DMBX1: variants seen among roughly 807,000 people sequenced by gnomAD.
The protein encoded by DMBX1 is diencephalon/mesencephalon homeobox 1.
Under a neutral mutation model 30.4 loss-of-function variants are expected in DMBX1, and 7 were observed. That is an observed-to-expected ratio of 0.23 (90% CI 0.13 to 0.43). The LOEUF (loss-of-function observed/expected upper bound fraction) is 0.43. Among genes scored for constraint, DMBX1 ranks in the 20% least tolerant of loss-of-function variants. DMBX1 has a pLI of 1.00. For missense variants in DMBX1, 460 were observed against 508.5 expected (o/e 0.90, Z 0.92); for synonymous variants, 222 against 214.2 (o/e 1.04, Z -0.32).
At position 46,493,380 on chromosome 1, in the gene DMBX1, T is replaced by C. The variant is rs1258841431; in HGVS notation, c.-13+2597T>C. ...AAGGGCACCGAGCTGGGCTCTCCAA[T>C]GTCCAGCCCTCCCGCCGTTCAGTGG... On this transcript the variant is annotated intron_variant, in intron 2 of 5. Coordinates refer to ENST00000360032, the MANE Select transcript of DMBX1 (RefSeq NM_172225.2). The surrounding 1 kb of genome is among the most constrained non-coding windows in gnomAD (Gnocchi z 4.1). Among the ~76,000 whole-genome samples, 1 of 152,198 alleles carries C rather than the reference T, an allele frequency of 6.6e-6. No homozygotes were observed. Among genetic ancestry groups the C allele is most frequent in the East Asian group, 1.9e-4 (1 of 5,190 alleles).
Position 46,493,397 on chromosome 1 carries a change from G to A in DMBX1, c.-13+2614G>A, listed in dbSNP as rs1177919897. On this transcript the variant is annotated intron_variant, in intron 2 of 5. Transcript: ENST00000360032. The surrounding 1 kb of genome is among the most constrained non-coding windows in gnomAD (Gnocchi z 4.1). ...CTCTCCAATGTCCAGCCCTCCCGCC[G>A]TTCAGTGGCCTCTCTTTCTATTTAG... 3.9e-5 allele frequency among the ~76,000 whole-genome samples: 6 copies of A among 152,336 alleles called. No individual in the cohort carries two copies. Among genetic ancestry groups the A allele is most frequent in the Admixed American group, 2.0e-4 (3 of 15,306 alleles).
Position 46,510,664 on chromosome 1 carries a change from A to C in DMBX1, c.333+10A>C, listed in dbSNP as rs568175858. 1 of 1,611,038 alleles carries C rather than the reference A, an allele frequency of 6.2e-7. No homozygotes were observed. Among genetic ancestry groups the C allele is most frequent in the Non-Finnish European group, 8.5e-7 (1 of 1,178,542 alleles). On this transcript the variant is annotated intron_variant, in intron 4 of 5. Transcript: ENST00000360032. The surrounding 1 kb of genome is among the most constrained non-coding windows in gnomAD (Gnocchi z 4.1). ...TGAGGCCCGGGTGCAGGTAGGGCCC[A>C]ACTCTCCTAACTAGGCCTTGCAGAC...
rs1253211688 is a variant in DMBX1 at position 46,516,170 on chromosome 1, C to G, written c.*3676C>G. On this transcript the variant is annotated 3_prime_UTR_variant, in exon 6 of 6. Transcript: ENST00000360032. ...AGTCTCATTCCCTGTGATGTTGTGACCTGTTCTTTGTCTTACTTGGCGAAT... is the reference window on the plus strand; with the variant it reads ...AGTCTCATTCCCTGTGATGTTGTGAGCTGTTCTTTGTCTTACTTGGCGAAT... Among the ~76,000 whole-genome samples, 1 of 152,194 alleles carries G rather than the reference C, an allele frequency of 6.6e-6. No homozygotes were observed. Among genetic ancestry groups the G allele is most frequent in the East Asian group, 1.9e-4 (1 of 5,190 alleles).
In DMBX1 at chr1:46,512,028, G is replaced by A. The variant is rs1485168683; in HGVS notation, c.683-15G>A. 31 of 1,603,440 alleles carry A rather than the reference G, an allele frequency of 1.9e-5. No individual in the cohort carries two copies. Among genetic ancestry groups the A allele is most frequent in the African/African-American group, 5.4e-5 (4 of 74,710 alleles). ...CTTGTCCTGAGGGCTTTGTTCTTGG[G>A]TTCTCTGCTTGCAGATTCCCCAGGC... On this transcript the variant is annotated splice_polypyrimidine_tract_variant and intron_variant, in intron 5 of 5. Coordinates refer to ENST00000360032, the MANE Select transcript of DMBX1 (RefSeq NM_172225.2). The surrounding 1 kb of genome is among the most constrained non-coding windows in gnomAD (Gnocchi z 4.8).
rs1283211215 is a variant in DMBX1 at position 46,510,440 on chromosome 1, C to A, written c.155-36C>A. On this transcript the variant is annotated intron_variant, in intron 3 of 5. Coordinates refer to ENST00000360032, the MANE Select transcript of DMBX1 (RefSeq NM_172225.2). The surrounding 1 kb of genome is among the most constrained non-coding windows in gnomAD (Gnocchi z 4.1). ...GCTATTTCCCATAATTAAATGGGCC[C>A]CCTCTCCTTGCCCTCCAACGGCTGT... The A allele has an allele frequency of 6.2e-7, 1 of 1,603,740 alleles. No homozygotes were observed. The highest frequency in any genetic ancestry group is 1.3e-5 in the African/African-American group (1 of 74,720).
chr1:46,512,736 C>T lies in DMBX1; in HGVS notation c.*242C>T. The T allele has an allele frequency of 1.9e-6, 1 of 520,468 alleles. No homozygotes were observed. Among genetic ancestry groups the T allele is most frequent in the Non-Finnish European group, 3.4e-6 (1 of 296,552 alleles). The allele number at this position is 520,468 out of a possible 1,614,324, so 32.2% of individuals were successfully genotyped here. Reference sequence around the variant, plus strand: ...GGGAGGAGGTGAGAGGCTGGGGTGCCCCAAGCTTCCCTCGGAGAAGTGAGA... The same window carrying T: ...GGGAGGAGGTGAGAGGCTGGGGTGCTCCAAGCTTCCCTCGGAGAAGTGAGA... On this transcript the variant is annotated 3_prime_UTR_variant, in exon 6 of 6. Transcript: ENST00000360032. The surrounding 1 kb of genome is among the most constrained non-coding windows in gnomAD (Gnocchi z 4.8).
At chr1:46,492,105 G>C (rs1447951124) in intron 2 of DMBX1, among the ~76,000 whole-genome samples, 5 of 152,226 alleles carry the variant, frequency 3.3e-5, no homozygotes, top group Admixed American at 3.3e-4. Flanking sequence ...ACCCCGAATG[G>C]AATGCAGAAC....
Position 46,514,937 on chromosome 1 carries a change from TCAGTAGAC to T in DMBX1, c.*2446_*2453del, listed in dbSNP as rs1412071858. Among the ~76,000 whole-genome samples, 6 of 151,948 alleles carry T rather than the reference TCAGTAGAC, an allele frequency of 3.9e-5. No homozygotes were observed. Among genetic ancestry groups the T allele is most frequent in the Non-Finnish European group, 7.4e-5 (5 of 67,988 alleles). ...TTGAACAAAGCAGCAGAGATGAGAC[TCAGTAGAC>T]CATGGGAAGGGGGTGGCTGGCTTCA... is the stretch of plus-strand genomic sequence containing the variant. On this transcript the variant is annotated 3_prime_UTR_variant, in exon 6 of 6. Transcript: ENST00000360032.
chr1:46,490,565 C>T (rs1383404230), intron 1 of DMBX1, among the ~76,000 whole-genome samples, 79 bp from the exon 2 acceptor site: 1 of 152,226 alleles, frequency 6.6e-6, no homozygotes, highest in Admixed American at 6.5e-5. Flanking sequence ...CCGCCCACGC[C>T]CTCCCAGCTT....
intron 2 of DMBX1, among the ~76,000 whole-genome samples, chr1:46,498,583 C>G (rs1666067259): frequency 6.6e-6 from 1 of 152,058 alleles, no homozygotes; most frequent in Admixed American, 6.6e-5. Context: ...TTCTAGGGTA[C>G]CATTTAGTGT....
chr1:46,504,906 A>T (rs1666202825), intron 2 of DMBX1, among the ~76,000 whole-genome samples: 2 of 151,380 alleles, frequency 1.3e-5, no homozygotes, highest in Admixed American at 6.6e-5. Flanking sequence ...AGTGGTTTGT[A>T]GTTCTCCTTG....
chr1:46,490,988 A>G lies in DMBX1; in HGVS notation c.-13+205A>G, dbSNP rs948503954. ...TTCCTCCCTAGGCTTCCCACACTGG[A>G]TGGCCGTAACTCAGTCGTTGACGGC... On this transcript the variant is annotated intron_variant, in intron 2 of 5. Transcript: ENST00000360032. Among the ~76,000 whole-genome samples the G allele has an allele frequency of 5.9e-5, 9 of 152,324 alleles. No individual in the cohort carries two copies. In the South Asian group the frequency reaches 1.4e-3, roughly 25 times the overall value.
chr1:46,501,833 CTAAG>C (rs1187742213), intron 2 of DMBX1, among the ~76,000 whole-genome samples: 3 of 152,194 alleles, frequency 2.0e-5, no homozygotes, highest in African/African-American at 4.8e-5. Context: ...TTTTTTATTC[CTAAG>C]TAAGAGTTCT....
In DMBX1 at chr1:46,495,651, C is replaced by A. The variant is rs1277419703; in HGVS notation, c.-13+4868C>A. Among the ~76,000 whole-genome samples the A allele has an allele frequency of 2.0e-5, 3 of 152,350 alleles. No individual in the cohort carries two copies. In the East Asian group the frequency reaches 5.8e-4, roughly 29 times the overall value. ...AATTTAAAGAAGTCACCGGACCCAA[C>A]TGGTGACTTCTGGACCGAACCACTG... On this transcript the variant is annotated intron_variant, in intron 2 of 5. Transcript: ENST00000360032.
rs761806656 is a variant in DMBX1, at chr1:46,510,524, G to A, written c.203G>A (p.Arg68His). The A allele has an allele frequency of 4.3e-6, 7 of 1,613,976 alleles. No individual in the cohort carries two copies. In the South Asian group the frequency reaches 4.4e-5, roughly 10 times the overall value. ...RYGSQHRKQR[R>H]SRTAFTAQQL... ...GGTTCCCAGCACCGCAAACAACGTCGCAGCCGCACAGCGTTCACGGCTCAG... is the reference window on the plus strand; with the variant it reads ...GGTTCCCAGCACCGCAAACAACGTCACAGCCGCACAGCGTTCACGGCTCAG... The change falls in exon 4 of 6, where the codon CGC becomes CAC. Residue 68 changes from arginine (R) to histidine (H), a missense_variant. By Grantham distance (29) the Arg-to-His change is conservative (BLOSUM62 0). Transcript: ENST00000360032. The surrounding 1 kb of genome is among the most constrained non-coding windows in gnomAD (Gnocchi z 4.1).
At chr1:46,501,054 T>C (rs573701349) in intron 2 of DMBX1, among the ~76,000 whole-genome samples, 1 of 152,144 alleles carries the variant, frequency 6.6e-6, no homozygotes, top group East Asian at 1.9e-4. Context: ...AGAATGACCA[T>C]CTGCCACTCC....
At chr1:46,496,907 G>C (rs1437478473) in intron 2 of DMBX1, among the ~76,000 whole-genome samples, 1 of 152,194 alleles carries the variant, frequency 6.6e-6, no homozygotes, top group Non-Finnish European at 1.5e-5. Flanking sequence ...AGTCCTTTTG[G>C]ACTTCAAACT....
At chr1:46,496,721 G>A (rs1257334296) in intron 2 of DMBX1, among the ~76,000 whole-genome samples, 1 of 152,096 alleles carries the variant, frequency 6.6e-6, no homozygotes, top group Non-Finnish European at 1.5e-5. Flanking sequence ...GGCCAGCCCT[G>A]GGTTACACAC....
chr1:46,506,340 G>A (rs1666235363), intron 2 of DMBX1, among the ~76,000 whole-genome samples: 1 of 152,262 alleles, frequency 6.6e-6, no homozygotes, highest in Non-Finnish European at 1.5e-5. Flanking sequence ...TTACAGGCAT[G>A]AGCCACTGTG....
Sources: gnomAD v4.1 joint callset for allele counts (sites outside exome capture counted in the v4.1 genomes callset) on GRCh38, gnomAD v4.1.1 for gene constraint, Gnocchi (gnomAD v3.1) non-coding constraint, MANE v1.5 for transcripts, NCBI Gene and HGNC (gene_info 2026-07-23, HGNC 2026-07-21) for gene names.